RBFOX1: variants seen among roughly 807,000 people sequenced by gnomAD.
RBFOX1 encodes the protein RNA binding protein fox-1 homolog 1.
RBFOX1 carries 8 observed loss-of-function variants against 57.7 expected under a neutral mutation model. That is an observed-to-expected ratio of 0.14 (90% CI 0.08 to 0.25). The LOEUF is 0.25. Among genes scored for constraint, RBFOX1 ranks in the 10% least tolerant of loss-of-function variants. RBFOX1 has a pLI of 1.00. For synonymous variants in RBFOX1, 326 were observed against 222.4 expected, an observed-to-expected ratio of 1.47 and a Z score of -4.15; for missense variants, 611 against 548.5, an observed-to-expected ratio of 1.11 and a Z score of -1.14.
chr16:6,065,326 C>T lies in RBFOX1; in HGVS notation c.-127+45334C>T, dbSNP rs1012738403. 7.9e-5 allele frequency among the ~76,000 whole-genome samples: 12 copies of T among 152,050 alleles called. No homozygotes were observed. The South Asian group carries it at 1.7e-3, about 21-fold the overall frequency. On this transcript the variant is annotated intron_variant, in intron 1 of 15. Transcript: ENST00000550418. The stretch of plus-strand genomic sequence containing the variant: ...CTGGGATTACAGGTGTGAACCACCG[C>T]ACGCGGCCCTATGATTCTTATGGAT...
chr16:5,431,485 C>T (rs6500690), intron 1 of RBFOX1, among the ~76,000 whole-genome samples: 64,059 of 151,446 alleles, frequency 0.42, 15,296 homozygotes, highest in East Asian at 0.62. Flanking sequence ...AGCAATTCTT[C>T]TGCCTCAGAC....
At chr16:5,276,908 C>G (rs1004397062) in intron 1 of RBFOX1, among the ~76,000 whole-genome samples, 1 of 152,158 alleles carries the variant, frequency 6.6e-6, no homozygotes, top group Non-Finnish European at 1.5e-5. Context: ...ACTAAAAGTA[C>G]ATCTACCATT....
At chr16:5,343,754 AG>A (rs1189747194) in intron 1 of RBFOX1, among the ~76,000 whole-genome samples, 5 of 152,232 alleles carry the variant, frequency 3.3e-5, no homozygotes, top group Middle Eastern at 3.2e-3. Flanking sequence ...TAACAATATC[AG>A]GAGGATTATT....
At chr16:5,966,155 G>A (rs1014972011) in intron 4 of RBFOX1, among the ~76,000 whole-genome samples, 2 of 152,066 alleles carry the variant, frequency 1.3e-5, no homozygotes, top group African/African-American at 4.8e-5. Context: ...ATTGCTCAAT[G>A]AATTTTCACA....
chr16:7,460,389 A>ATATATATGTGTG lies in RBFOX1; in HGVS notation c.28-57757_28-57756insATATATGTGTGT. Among the ~76,000 whole-genome samples, 860 of 87,082 alleles carry ATATATATGTGTG rather than the reference A, an allele frequency of 9.9e-3. 40 individuals carry two copies. The highest frequency in any genetic ancestry group is 0.053 in the African/African-American group (805 of 15,246). 57.1% of individuals were successfully genotyped at this position (87,082 alleles called of 152,430 possible). A position where few individuals can be genotyped will look rare whatever the true frequency, so the allele number is the denominator to read the frequency against. ...TAGCAAAATATATATATATATATAT[A>ATATATATGTGTG]TGTGTGTGTGTGTGTGTGTGTGTGT... On this transcript the variant is annotated intron_variant, in intron 4 of 15. Coordinates refer to ENST00000550418, the MANE Select transcript of RBFOX1 (RefSeq NM_018723.4).
chr16:7,326,162 C>G (rs1439110334), intron 4 of RBFOX1, among the ~76,000 whole-genome samples: 1 of 152,144 alleles, frequency 6.6e-6, no homozygotes, highest in African/African-American at 2.4e-5. Flanking sequence ...CTACTCTGTG[C>G]CCAGTCCTGG....
At chr16:7,489,136 C>T (rs549121136) in intron 4 of RBFOX1, among the ~76,000 whole-genome samples, 4 of 152,172 alleles carry the variant, frequency 2.6e-5, no homozygotes, top group African/African-American at 9.7e-5. Flanking sequence ...CTCTCTGTTT[C>T]TCTGCCTCTG....
chr16:5,751,796 A>T (rs1461501823), intron 3 of RBFOX1, among the ~76,000 whole-genome samples: 1 of 152,198 alleles, frequency 6.6e-6, no homozygotes, highest in African/African-American at 2.4e-5. Flanking sequence ...TATTAAACCC[A>T]TTTTAATGGT....
chr16:6,196,195 T>C (rs1240450088), intron 1 of RBFOX1, among the ~76,000 whole-genome samples: 1 of 152,090 alleles, frequency 6.6e-6, no homozygotes, highest in Admixed American at 6.6e-5. Flanking sequence ...CCTCAAAGAG[T>C]TAATTCAGCC....
intron 3 of RBFOX1, among the ~76,000 whole-genome samples, chr16:7,016,401 C>T (rs900903771): frequency 1.3e-5 from 2 of 152,150 alleles, no homozygotes; most frequent in African/African-American, 2.4e-5. Context: ...GAAAACAAGG[C>T]ACTGAACTTA....
intron 3 of RBFOX1, among the ~76,000 whole-genome samples, chr16:7,026,570 C>A (rs754480991): frequency 4.6e-5 from 7 of 152,116 alleles, no homozygotes; most frequent in Non-Finnish European, 8.8e-5. Context: ...TCTCCCCGTC[C>A]CCTCTCCTGG....
chr16:6,015,944 C>G (rs1400678670), upstream of RBFOX1, among the ~76,000 whole-genome samples: 2 of 152,170 alleles, frequency 1.3e-5, no homozygotes, highest in African/African-American at 4.8e-5. Flanking sequence ...GGGGGACTAG[C>G]CTCAAGAAGG....
intron 4 of RBFOX1, among the ~76,000 whole-genome samples, chr16:7,504,992 G>T (rs973108942): frequency 3.3e-5 from 5 of 149,864 alleles, no homozygotes; most frequent in Non-Finnish European, 7.4e-5. Context: ...TGCAATGTTA[G>T]GATATTCTAA....
chr16:6,547,886 C>T (rs180672132), intron 2 of RBFOX1, among the ~76,000 whole-genome samples: 5 of 152,150 alleles, frequency 3.3e-5, no homozygotes, highest in African/African-American at 1.2e-4. Context: ...CAGTGTTTCT[C>T]ACGGTTAGGA....
chr16:6,322,237 C>T (rs1283978576), intron 2 of RBFOX1, among the ~76,000 whole-genome samples: 1 of 152,166 alleles, frequency 6.6e-6, no homozygotes, highest in Non-Finnish European at 1.5e-5. Flanking sequence ...CCTTGGATCC[C>T]AGCCAACAGA....
Position 5,947,401 on chromosome 16 carries a change from G to T in RBFOX1, c.351+80066G>T, listed in dbSNP as rs1451632364. On this transcript the variant is annotated intron_variant, in intron 4 of 19. Coordinates refer to the RBFOX1 transcript ENST00000641259. The surrounding 1 kb of genome is among the most constrained non-coding windows in gnomAD (Gnocchi z 7.2). ...CTGTTTTGTTTTCAGACAGGGTCTT[G>T]CTCTCGCTCAGACTGGAGTGCATTG... Among the ~76,000 whole-genome samples, 1 of 152,170 alleles carries T rather than the reference G, an allele frequency of 6.6e-6. No individual in the cohort carries two copies. The highest frequency in any genetic ancestry group is 2.4e-5 in the African/African-American group (1 of 41,432).
At chr16:7,310,151 A>T (rs2096276116) in intron 4 of RBFOX1, among the ~76,000 whole-genome samples, 1 of 152,202 alleles carries the variant, frequency 6.6e-6, no homozygotes, top group Admixed American at 6.5e-5. Flanking sequence ...ACCATGCTGA[A>T]TACAGGTGAG....
At chr16:7,447,299 G>C (rs1400468109) in intron 4 of RBFOX1, among the ~76,000 whole-genome samples, 1 of 151,876 alleles carries the variant, frequency 6.6e-6, no homozygotes, top group Non-Finnish European at 1.5e-5. Flanking sequence ...CAGCTGTGGT[G>C]GCACACACCT....
chr16:6,645,257 C>T (rs972531144), intron 2 of RBFOX1, among the ~76,000 whole-genome samples: 1 of 152,180 alleles, frequency 6.6e-6, no homozygotes. Context: ...TCTGCACAGA[C>T]TCCATTTGCA....
Sources: allele counts gnomAD v4.1 joint callset (sites outside exome capture counted in the v4.1 genomes callset), GRCh38; gene constraint gnomAD v4.1.1; non-coding constraint Gnocchi (gnomAD v3.1); transcripts MANE v1.5; gene names NCBI Gene and HGNC (gene_info 2026-07-23, HGNC 2026-07-21).